Variants in WDR3 observed in about 807,000 individuals in gnomAD.
The protein encoded by WDR3 is WD repeat-containing protein 3.
Under a neutral mutation model 123.7 loss-of-function variants are expected in WDR3, and 81 were observed. That is an observed-to-expected ratio of 0.65 (90% confidence interval 0.55 to 0.79). WDR3 has a LOEUF of 0.79. Among genes scored for constraint, WDR3 ranks in the 30% least tolerant of loss-of-function variants. WDR3 has a pLI of 0.00. For missense variants in WDR3, 1,027 were observed against 1,123.2 expected, an observed-to-expected ratio of 0.91 and a Z score of 1.22; for synonymous variants, 390 against 388.8, an observed-to-expected ratio of 1.00 and a Z score of -0.04.
rs1179292198 is a variant in WDR3 at position 117,959,516 on chromosome 1, G to T, written c.*69G>T. 8 of 1,431,076 alleles carry T rather than the reference G, an allele frequency of 5.6e-6. No homozygotes were observed. Among genetic ancestry groups the T allele is most frequent in the Non-Finnish European group, 7.4e-6 (8 of 1,079,990 alleles). The allele number at this position is 1,431,076 out of a possible 1,614,324, so 88.6% of individuals were successfully genotyped here. On this transcript the variant is annotated 3_prime_UTR_variant, in exon 27 of 27. Transcript: ENST00000349139. ...AAGGACTCCTAAACTAAGCACAGAA[G>T]AGTTGGCGTCATCTTAAAAATACCA...
At chr1:117,958,059 G>A (rs1311833283) in intron 25 of WDR3, among the ~76,000 whole-genome samples, 5 of 152,118 alleles carry the variant, frequency 3.3e-5, no homozygotes, top group Non-Finnish European at 5.9e-5. Context: ...ATTCTCAAGC[G>A]GTTACAGCAG....
At chr1:117,930,268 C>T (rs893530055) in intron 1 of WDR3, among the ~76,000 whole-genome samples, 2 of 152,166 alleles carry the variant, frequency 1.3e-5, no homozygotes, top group East Asian at 3.9e-4. Context: ...ACAAAGTGAA[C>T]AGTGCAAGTT....
chr1:117,930,060 G>A (rs140750907), intron 1 of WDR3: 2 of 152,640 alleles, frequency 1.3e-5, no homozygotes, highest in Non-Finnish European at 2.9e-5. Context: ...TGTTCGGTGT[G>A]TGGAACCCTC....
chr1:117,934,544 T>C lies in WDR3; in HGVS notation c.243T>C (p.Ala81=). ...LCPSPDGLHL[A]VGYEDGSIRI... ...CCTCCCCAGATGGGCTACACTTAGC[T>C]GTTGGGTATGAGGATGGGTCGATCC... Residue 81 remains alanine (A), a synonymous_variant, in exon 3 of 27, where the codon GCT becomes GCC. Coordinates refer to ENST00000349139, the MANE Select transcript of WDR3 (RefSeq NM_006784.3). 2 of 1,614,176 alleles carry C rather than the reference T, an allele frequency of 1.2e-6. No homozygotes were observed. Among genetic ancestry groups the C allele is most frequent in the Non-Finnish European group, 8.5e-7 (1 of 1,180,002 alleles).
chr1:117,953,948 A>G lies in WDR3; in HGVS notation c.2269-59A>G. ...ATTTCTGGTCAGTTCTTCCAGTTTC[A>G]GTGTCCTGGGATGATGGAGTATGTT... On this transcript the variant is annotated intron_variant, in intron 21 of 26. Coordinates refer to ENST00000349139, the MANE Select transcript of WDR3 (RefSeq NM_006784.3). The G allele has an allele frequency of 2.1e-6, 3 of 1,415,026 alleles. No homozygotes were observed. The East Asian group carries it at 7.0e-5, about 33-fold the overall frequency. The allele number at this position is 1,415,026 out of a possible 1,614,324, so 87.7% of individuals were successfully genotyped here.
In WDR3 at chr1:117,964,672, TTTAC is replaced by T. The variant is rs1474265782; in HGVS notation, c.*5232_*5235del. The T allele has an allele frequency of 1.3e-5, 2 of 152,180 alleles. No homozygotes were observed. Among genetic ancestry groups the T allele is most frequent in the African/African-American group, 4.8e-5 (2 of 41,436 alleles). The allele number at this position is 152,180 out of a possible 1,614,324, so 9.4% of individuals were successfully genotyped here. A position where few individuals can be genotyped will look rare whatever the true frequency, so the allele number is the denominator to read the frequency against. ...TACTTACTGCCATCATTGTTTATGG[TTTAC>T]TTACTTTATGTATTGTCTGTCCTCC... On this transcript the variant is annotated 3_prime_UTR_variant, in exon 27 of 27. Transcript: ENST00000349139.
rs79722617 is a variant in WDR3 at position 117,950,088 on chromosome 1, G to A, written c.1704G>A (p.Leu568=). The change falls in exon 15 of 27, where the codon TTG becomes TTA. Residue 568 remains leucine (L), a synonymous_variant. Transcript: ENST00000349139. The stretch of plus-strand genomic sequence containing the variant: ...ATCAAAAGCTATTGGCTGTGTCTTT[G>A]CTGGACTGTACTGTGAAAATTTTCT... ...SPNQKLLAVS[L]LDCTVKIFYV... 2 of 1,613,774 alleles carry A rather than the reference G, an allele frequency of 1.2e-6. No individual in the cohort carries two copies. The highest frequency in any genetic ancestry group is 1.7e-6 in the Non-Finnish European group (2 of 1,179,884).
At chr1:117,956,242 T>C (rs924001295) in intron 24 of WDR3, among the ~76,000 whole-genome samples, 1 of 152,186 alleles carries the variant, frequency 6.6e-6, no homozygotes, top group Non-Finnish European at 1.5e-5. Flanking sequence ...TTTGGGACAC[T>C]TGAGACCAAA....
intron 11 of WDR3, among the ~76,000 whole-genome samples, chr1:117,945,467 A>T (rs141730967): frequency 1.3e-5 from 2 of 152,242 alleles, no homozygotes; most frequent in South Asian, 2.1e-4. Flanking sequence ...CAGTCCTATC[A>T]TTCTTACCCT....
intron 10 of WDR3, among the ~76,000 whole-genome samples, 158 bp downstream of exon 10, chr1:117,942,702 T>C (rs1651214823): frequency 6.6e-6 from 1 of 152,192 alleles, no homozygotes; most frequent in Non-Finnish European, 1.5e-5. Context: ...GTCCTAATCA[T>C]GGGCCCACTT....
chr1:117,950,805 G>T, intron 15 of WDR3, 29 bp from the exon 16 acceptor site: 1 of 1,575,138 alleles, frequency 6.3e-7, no homozygotes, highest in Non-Finnish European at 8.7e-7. Context: ...TTTATAGACA[G>T]ACATTAATTA....
At chr1:117,944,591 A>C (rs1021698544) in intron 11 of WDR3, among the ~76,000 whole-genome samples, 13 of 152,194 alleles carry the variant, frequency 8.5e-5, no homozygotes, top group Admixed American at 2.0e-4. Flanking sequence ...TACGTTGTTC[A>C]TGTCTCCAAA....
Position 117,952,300 on chromosome 1 carries a change from G to A in WDR3, c.1908G>A (p.Val636=). The A allele has an allele frequency of 6.2e-7, 1 of 1,608,082 alleles. No homozygotes were observed. Among genetic ancestry groups the A allele is most frequent in the South Asian group, 1.1e-5 (1 of 89,840 alleles). Residue 636 remains valine, a synonymous_variant, in exon 18 of 27, where the codon GTG becomes GTA. Transcript: ENST00000349139. ...HKSLFAHDDS[V]MYLQFVPKSH... ...TAATATTTCTGTCACTTTTCAGTGT[G>A]ATGTACCTACAGTTTGTACCCAAGT...
intron 4 of WDR3, 99 bp downstream of exon 4, chr1:117,936,986 T>C (rs1224843247): frequency 2.1e-6 from 2 of 940,224 alleles, no homozygotes; most frequent in African/African-American, 3.3e-5. Context: ...CTCATGCTTA[T>C]GCATTAGTTT....
At position 117,959,564 on chromosome 1, in the gene WDR3, G is replaced by A; in HGVS notation, c.*117G>A. On this transcript the variant is annotated 3_prime_UTR_variant, in exon 27 of 27. Transcript: ENST00000349139. ...CCAAATAACAGAAGATCGCATTGCA[G>A]ATGATATCAGGATGTGGTTTCCAGC... 2 of 1,122,524 alleles carry A rather than the reference G, an allele frequency of 1.8e-6. 1 individual carries two copies. The highest frequency in any genetic ancestry group is 2.4e-6 in the Non-Finnish European group (2 of 829,254). 69.5% of individuals were successfully genotyped at this position (1,122,524 alleles called of 1,614,324 possible). A position where few individuals can be genotyped will look rare whatever the true frequency, so the allele number is the denominator to read the frequency against.
chr1:117,946,232 AAAGTT>A (rs1429884085), intron 12 of WDR3, 53 bp downstream of exon 12: 18 of 1,422,518 alleles, frequency 1.3e-5, no homozygotes, highest in Non-Finnish European at 1.6e-5. Context: ...CAAAATTCAT[AAAGTT>A]AAGAAATCTG....
Position 117,949,759 on chromosome 1 carries a change from T to C in WDR3, c.1533T>C (p.Phe511=), listed in dbSNP as rs745792084. ...SMSLSPDQRG[F]VTGGADKSVK... is the part of the protein sequence containing the mutation. The stretch of plus-strand genomic sequence containing the variant: ...TTTCATTTGATTTTCAGCGTGGCTT[T>C]GTGACAGGTGGTGCAGATAAATCTG... The change falls in exon 14 of 27, where the codon TTT becomes TTC. Residue 511 remains phenylalanine (F), a synonymous_variant. Transcript: ENST00000349139. 1 of 1,613,554 alleles carries C rather than the reference T, an allele frequency of 6.2e-7. No individual in the cohort carries two copies. Among genetic ancestry groups the C allele is most frequent in the Admixed American group, 1.7e-5 (1 of 59,898 alleles).
chr1:117,953,322 T>C (rs566890821), intron 20 of WDR3, among the ~76,000 whole-genome samples, 154 bp from the exon 21 acceptor site: 2 of 152,320 alleles, frequency 1.3e-5, no homozygotes, highest in South Asian at 2.1e-4. Flanking sequence ...CTTACAATAA[T>C]ACATATGCTA....
In WDR3 at chr1:117,964,103, A is replaced by G; in HGVS notation, c.*4656A>G. ...CTGCATGCTCAGGCTTGGGGGTTAG[A>G]GGATGGATATGCCAATGTCTAGAAT... On this transcript the variant is annotated 3_prime_UTR_variant, in exon 27 of 27. Transcript: ENST00000349139. 2 of 658,336 alleles carry G rather than the reference A, an allele frequency of 3.0e-6. No homozygotes were observed. Among genetic ancestry groups the G allele is most frequent in the Non-Finnish European group, 5.0e-6 (2 of 396,620 alleles). The allele number at this position is 658,336 out of a possible 1,614,324, so 40.8% of individuals were successfully genotyped here.
Sources: allele counts gnomAD v4.1 joint callset (sites outside exome capture counted in the v4.1 genomes callset), GRCh38; gene constraint gnomAD v4.1.1; transcripts MANE v1.5; gene names NCBI Gene and HGNC (gene_info 2026-07-23, HGNC 2026-07-21).